Variants in NCKAP1L observed in about 807,000 individuals in gnomAD.
NCKAP1L encodes nck-associated protein 1-like.
Under a neutral mutation model 139.2 loss-of-function variants are expected in NCKAP1L, and 53 were observed. That is an observed-to-expected ratio of 0.38 (90% confidence interval 0.31 to 0.48). The LOEUF (loss-of-function observed/expected upper bound fraction) is 0.48. Among genes scored for constraint, NCKAP1L ranks in the 20% least tolerant of loss-of-function variants. The pLI, the probability that NCKAP1L is intolerant of heterozygous loss-of-function variation, is 0.98. For synonymous variants in NCKAP1L, 468 were observed against 499.7 expected, an observed-to-expected ratio of 0.94 and a Z score of 0.85; for missense variants, 1,151 against 1,381.9, an observed-to-expected ratio of 0.83 and a Z score of 2.65.
intron 26 of NCKAP1L, among the ~76,000 whole-genome samples, chr12:54,534,751 C>A (rs929216038): frequency 1.2e-4 from 18 of 152,078 alleles, no homozygotes; most frequent in Admixed American, 7.2e-4. Flanking sequence ...TAAATTTGTA[C>A]GATGGAGTGT....
At position 54,532,161 on chromosome 12, in the gene NCKAP1L, T is replaced by C; in HGVS notation, c.2782-9T>C. On this transcript the variant is annotated splice_polypyrimidine_tract_variant and intron_variant, in intron 25 of 30. Transcript: ENST00000293373. The stretch of plus-strand genomic sequence containing the variant: ...TCTTGTGGACTCATTTATCTTCTCT[T>C]TCCTCCAGGTTTTCTCCTCCCACTG... The C allele has an allele frequency of 6.2e-7, 1 of 1,610,026 alleles. No homozygotes were observed. The highest frequency in any genetic ancestry group is 8.5e-7 in the Non-Finnish European group (1 of 1,177,296).
At chr12:54,528,103 C>A in intron 21 of NCKAP1L, 144 bp from the exon 22 acceptor site, 2 of 969,716 alleles carry the variant, frequency 2.1e-6, no homozygotes, top group Non-Finnish European at 3.1e-6. Flanking sequence ...TTAATTAGAA[C>A]ATTGTGCCAT....
Position 54,536,923 on chromosome 12 carries a change from TC to T in NCKAP1L, c.3074-20del, listed in dbSNP as rs2120972816. 2.0e-6 allele frequency: 3 copies of T among 1,522,882 alleles called. No homozygotes were observed. In the East Asian group the frequency reaches 6.8e-5, roughly 34 times the overall value. The allele number at this position is 1,522,882 out of a possible 1,614,324, so 94.3% of individuals were successfully genotyped here. On this transcript the variant is annotated intron_variant, in intron 28 of 30. Coordinates refer to ENST00000293373, the MANE Select transcript of NCKAP1L (RefSeq NM_005337.5). The stretch of plus-strand genomic sequence containing the variant: ...TGTCATTTCCTCTTTTTTCTCTCCA[TC>T]TATATCAATAATAACCTAGGTTACA...
intron 18 of NCKAP1L, 116 bp downstream of exon 18, chr12:54,521,354 G>C: frequency 7.1e-7 from 1 of 1,403,780 alleles, no homozygotes; most frequent in Non-Finnish European, 9.7e-7. Flanking sequence ...CTCTGAAGTA[G>C]GGCTAGGGCC....
Position 54,497,853 on chromosome 12 carries a change from G to A in NCKAP1L, c.64G>A (p.Gly22Ser), listed in dbSNP as rs1358461316. Reference protein sequence around the residue: ...AEKLTILNDRGQGVLIRMYNI... With the variant: ...AEKLTILNDRSQGVLIRMYNI... ...GAAGCTCACTATCCTGAATGATCGC[G>A]GTCAGGGGGTTCTCATCCGTATGTA... is the stretch of plus-strand genomic sequence containing the variant. Residue 22 changes from glycine to serine, a missense_variant, in exon 1 of 31, where the codon GGT becomes AGT. Coordinates refer to ENST00000293373, the MANE Select transcript of NCKAP1L (RefSeq NM_005337.5). The A allele has an allele frequency of 1.4e-5, 23 of 1,612,798 alleles. No individual in the cohort carries two copies. Among genetic ancestry groups the A allele is most frequent in the Non-Finnish European group, 1.9e-5 (22 of 1,178,916 alleles).
Position 54,519,288 on chromosome 12 carries a change from C to T in NCKAP1L, c.1581C>T (p.Ser527=), listed in dbSNP as rs559364211. The T allele has an allele frequency of 1.0e-5, 16 of 1,586,116 alleles. 1 individual carries two copies. The highest frequency in any genetic ancestry group is 6.0e-5 in the Admixed American group (3 of 50,334). ...LIVFHSRMLD[S]VEKLLVETSD... ...TCTTCCACTCCCGAATGCTGGACTCCGTAGAAAAATTGCTGGTGGAAACTT... is the reference window on the plus strand; with the variant it reads ...TCTTCCACTCCCGAATGCTGGACTCTGTAGAAAAATTGCTGGTGGAAACTT... Residue 527 remains serine (S), a synonymous_variant, in exon 16 of 31, where the codon TCC becomes TCT. Coordinates refer to ENST00000293373, the MANE Select transcript of NCKAP1L (RefSeq NM_005337.5).
chr12:54,511,728 G>C (rs921890714), intron 7 of NCKAP1L, 75 bp from the exon 8 acceptor site: 4 of 1,530,098 alleles, frequency 2.6e-6, no homozygotes, highest in Admixed American at 3.7e-5. Context: ...TTGATACTCA[G>C]ATCCTAGTTT....
At position 54,517,548 on chromosome 12, in the gene NCKAP1L, A is replaced by G. The variant is rs750982844; in HGVS notation, c.1111A>G (p.Met371Val). ...LLGPKALFAF[M>V]ALSFIRDEVT... ...CCCTCCATAGGCTCTTTTTGCTTTC[A>G]TGGCCCTGTCCTTCATTCGTGATGA... is the stretch of plus-strand genomic sequence containing the variant. The change falls in exon 12 of 31, where the codon ATG becomes GTG. Residue 371 changes from methionine to valine, a missense_variant. Met to Val is a conservative substitution (Grantham distance 21, BLOSUM62 1). Transcript: ENST00000293373. 8.1e-6 allele frequency: 13 copies of G among 1,613,810 alleles called. No homozygotes were observed. The highest frequency in any genetic ancestry group is 2.7e-5 in the African/African-American group (2 of 74,866).
At position 54,526,744 on chromosome 12, in the gene NCKAP1L, C is replaced by T; in HGVS notation, c.2373C>T (p.Asn791=). The T allele has an allele frequency of 6.2e-7, 1 of 1,612,910 alleles. No individual in the cohort carries two copies. Among genetic ancestry groups the T allele is most frequent in the Non-Finnish European group, 8.5e-7 (1 of 1,179,142 alleles). The change falls in exon 21 of 31, where the codon AAC becomes AAT. Residue 791 remains asparagine (N), a splice_region_variant and synonymous_variant. Coordinates refer to ENST00000293373, the MANE Select transcript of NCKAP1L (RefSeq NM_005337.5). ...AGACAATCACCACACTCTACACAAA[C>T]TGGTCAGTGTTGCTTAGGCTTTTCC... The part of the protein sequence containing the change: ...GEQTITTLYT[N]WYLESLLRQA...
chr12:54,522,945 G>A lies in NCKAP1L; in HGVS notation c.1879-449G>A, dbSNP rs539378409. Among the ~76,000 whole-genome samples the A allele has an allele frequency of 3.3e-4, 51 of 152,338 alleles. 2 individuals are homozygous for A. In the South Asian group the frequency reaches 0.01, roughly 30 times the overall value. On this transcript the variant is annotated intron_variant, in intron 18 of 30. Transcript: ENST00000293373. ...CAAATCTTTGGAGGGCTGTGGTGAT[G>A]TGGGTAACTGTCTCATGAGATAGAA...
Position 54,501,232 on chromosome 12 carries a change from A to G in NCKAP1L, c.306+607A>G, listed in dbSNP as rs186684528. Among the ~76,000 whole-genome samples the G allele has an allele frequency of 2.5e-3, 380 of 152,272 alleles. 2 individuals are homozygous for G. Among genetic ancestry groups the G allele is most frequent in the African/African-American group, 8.3e-3 (346 of 41,552 alleles). ...GCATTTGTCTTTTTGTGGCTGGCTT[A>G]TTTCATCAGCCTAATGTCCTTAAGG... On this transcript the variant is annotated intron_variant, in intron 3 of 30. Transcript: ENST00000293373.
At chr12:54,525,518 G>A (rs1957019326) in intron 20 of NCKAP1L, among the ~76,000 whole-genome samples, 1 of 152,156 alleles carries the variant, frequency 6.6e-6, no homozygotes, top group South Asian at 2.1e-4. Context: ...CAGCATGAGT[G>A]TGACATTCAA....
intron 22 of NCKAP1L, 98 bp downstream of exon 22, chr12:54,528,475 G>A: frequency 6.9e-7 from 1 of 1,452,004 alleles, no homozygotes; most frequent in Admixed American, 2.3e-5. Context: ...TGGTGCAAAA[G>A]TAATTTTTGC....
Position 54,537,014 on chromosome 12 carries a change from C to T in NCKAP1L, c.3144C>T (p.Tyr1048=). The change falls in exon 29 of 31, where the codon TAC becomes TAT. Residue 1048 remains tyrosine (Y), a synonymous_variant. Coordinates refer to ENST00000293373, the MANE Select transcript of NCKAP1L (RefSeq NM_005337.5). ...TGTCTGCTGCCCTCTTCACGCTCTA[C>T]AACAAGAACATTGAAACTCACCTCA... The part of the protein sequence containing the change: ...IQVSAALFTL[Y]NKNIETHLKE... 1.9e-6 allele frequency: 3 copies of T among 1,613,540 alleles called. No individual in the cohort carries two copies. The highest frequency in any genetic ancestry group is 1.7e-6 in the Non-Finnish European group (2 of 1,179,572).
chr12:54,509,597 C>T, intron 5 of NCKAP1L, 72 bp from the exon 6 acceptor site: 1 of 1,027,390 alleles, frequency 9.7e-7, no homozygotes, highest in Non-Finnish European at 1.5e-6. Flanking sequence ...TATCTTTATC[C>T]TATATGCAAA....
rs759163371 is a variant in NCKAP1L at position 54,497,851 on chromosome 12, G to A, written c.62G>A (p.Arg21His). The change falls in exon 1 of 31, where the codon CGC becomes CAC. Residue 21 changes from arginine (R) to histidine (H), a missense_variant. Transcript: ENST00000293373. ...GAGAAGCTCACTATCCTGAATGATC[G>A]CGGTCAGGGGGTTCTCATCCGTATG... ...LAEKLTILND[R>H]GQGVLIRMYN... The A allele has an allele frequency of 3.7e-6, 6 of 1,613,072 alleles. No homozygotes were observed. Among genetic ancestry groups the A allele is most frequent in the South Asian group, 1.1e-5 (1 of 91,078 alleles).
At chr12:54,508,155 C>T (rs1488595198) in intron 4 of NCKAP1L, among the ~76,000 whole-genome samples, 8 of 152,158 alleles carry the variant, frequency 5.3e-5, no homozygotes, top group Admixed American at 3.9e-4. Flanking sequence ...TCTTCTTCAC[C>T]TTTTCCATCT....
In NCKAP1L at chr12:54,523,492, C is replaced by A. The variant is rs766005142; in HGVS notation, c.1977C>A (p.Asp659Glu). 1 of 1,614,074 alleles carries A rather than the reference C, an allele frequency of 6.2e-7. No individual in the cohort carries two copies. Among genetic ancestry groups the A allele is most frequent in the Non-Finnish European group, 8.5e-7 (1 of 1,180,020 alleles). ...CCAGAAAAGGAGAGCCCGAGAGGGA[C>A]AAGCCAGGAGCTGAGAGTCACCGGA... Reference protein sequence around the residue: ...QTPRKGEPERDKPGAESHRKN... With the variant: ...QTPRKGEPEREKPGAESHRKN... Residue 659 changes from aspartate to glutamate, a missense_variant, in exon 19 of 31, where the codon GAC (aspartate) becomes GAA (glutamate). Asp to Glu is a conservative substitution (Grantham distance 45). Transcript: ENST00000293373.
Position 54,535,099 on chromosome 12 carries a change from T to C in NCKAP1L, c.2863-5T>C. On this transcript the variant is annotated splice_polypyrimidine_tract_variant and splice_region_variant and intron_variant, in intron 26 of 30. Transcript: ENST00000293373. Reference sequence around the variant, plus strand: ...CTCTCTAGAATGTTATTTTCTTCTCTCCAGGTGACCTTGAGTATCTTTGAG... The same window carrying C: ...CTCTCTAGAATGTTATTTTCTTCTCCCCAGGTGACCTTGAGTATCTTTGAG... 6.2e-7 allele frequency: 1 copy of C among 1,612,910 alleles called. No homozygotes were observed. Among genetic ancestry groups the C allele is most frequent in the Non-Finnish European group, 8.5e-7 (1 of 1,179,194 alleles).
Sources: gnomAD v4.1 joint callset for allele counts (sites outside exome capture counted in the v4.1 genomes callset) on GRCh38, gnomAD v4.1.1 for gene constraint, MANE v1.5 for transcripts, NCBI Gene and HGNC (gene_info 2026-07-23, HGNC 2026-07-21) for gene names.